Variants in PALM2AKAP2 observed in about 807,000 individuals in gnomAD.
The protein encoded by PALM2AKAP2 is PALM2 and AKAP2 fusion, also known as PALM2-AKAP2 fusion protein.
Under a neutral mutation model 71.5 loss-of-function variants are expected in PALM2AKAP2, and 37 were observed. That is an observed-to-expected ratio of 0.52 (90% CI 0.40 to 0.68). The LOEUF is 0.68. PALM2AKAP2 is among the 30% of genes least tolerant of loss of function. PALM2AKAP2 has a pLI of 0.00. For missense variants in PALM2AKAP2, 1,224 were observed against 1,191.8 expected, an observed-to-expected ratio of 1.03 and a Z score of -0.40; for synonymous variants, 468 against 478.8, an observed-to-expected ratio of 0.98 and a Z score of 0.29.
At chr9:110,157,367 T>C (rs575896166) in intron 3 of PALM2AKAP2, among the ~76,000 whole-genome samples, 10 of 149,768 alleles carry the variant, frequency 6.7e-5, no homozygotes, top group Admixed American at 1.3e-4. Context: ...GGTGTTGTGG[T>C]TATTAATATC....
chr9:109,704,679 C>T (rs534332351), intron 1 of PALM2AKAP2, among the ~76,000 whole-genome samples: 5 of 152,262 alleles, frequency 3.3e-5, no homozygotes, highest in Non-Finnish European at 7.4e-5. Flanking sequence ...ATTTCACATG[C>T]GTGATAATCT....
At chr9:109,840,219 G>A (rs963304768) in intron 1 of PALM2AKAP2, among the ~76,000 whole-genome samples, 7 of 152,094 alleles carry the variant, frequency 4.6e-5, no homozygotes, top group Non-Finnish European at 7.4e-5. Flanking sequence ...CCACACATAT[G>A]CAACCATCTG....
intron 3 of PALM2AKAP2, among the ~76,000 whole-genome samples, chr9:109,919,023 C>CA (rs1184263157): frequency 6.6e-6 from 1 of 152,180 alleles, no homozygotes; most frequent in Non-Finnish European, 1.5e-5. Context: ...ACAGGCCAGC[C>CA]AGTGGGCATC....
intron 1 of PALM2AKAP2, among the ~76,000 whole-genome samples, chr9:110,077,408 A>G (rs1413080855): frequency 6.6e-6 from 1 of 152,218 alleles, no homozygotes; most frequent in Non-Finnish European, 1.5e-5. Context: ...AAAACACTTT[A>G]ACATCTTGTG....
intron 1 of PALM2AKAP2, among the ~76,000 whole-genome samples, chr9:110,074,096 C>T (rs2118625031): frequency 6.6e-6 from 1 of 152,292 alleles, no homozygotes; most frequent in African/African-American, 2.4e-5. Context: ...CTGTGATATT[C>T]CTGCACAAAT....
intron 1 of PALM2AKAP2, among the ~76,000 whole-genome samples, chr9:110,087,425 T>A (rs991705968): frequency 1.3e-5 from 2 of 152,188 alleles, no homozygotes; most frequent in Non-Finnish European, 2.9e-5. Flanking sequence ...ACAGTTGCAA[T>A]CATTTGTTCA....
At chr9:110,019,601 G>T (rs1039210883) in intron 7 of PALM2AKAP2, among the ~76,000 whole-genome samples, 1 of 152,190 alleles carries the variant, frequency 6.6e-6, no homozygotes, top group African/African-American at 2.4e-5. Context: ...ATACACCATG[G>T]AATACTACAT....
chr9:109,996,590 T>A lies in PALM2AKAP2; in HGVS notation c.497-19364T>A, dbSNP rs189641055. Among the ~76,000 whole-genome samples the A allele has an allele frequency of 6.9e-3, 1,050 of 152,370 alleles. 12 individuals carry two copies. The highest frequency in any genetic ancestry group is 0.024 in the African/African-American group (981 of 41,584). On this transcript the variant is annotated intron_variant, in intron 6 of 9. Coordinates refer to the PALM2AKAP2 transcript ENST00000302798. The stretch of plus-strand genomic sequence containing the variant: ...CAATTGGAGTCTGCTTCCTTCTTCA[T>A]ATACAGAAGGATGTTTAAAACGCAC...
At chr9:109,801,148 C>T (rs565618179) in intron 1 of PALM2AKAP2, among the ~76,000 whole-genome samples, 2 of 152,204 alleles carry the variant, frequency 1.3e-5, no homozygotes, top group Non-Finnish European at 2.9e-5. Flanking sequence ...CATTTCAGCT[C>T]AGCAGACAGA....
intron 1 of PALM2AKAP2, among the ~76,000 whole-genome samples, chr9:109,812,377 A>G (rs1827747745): frequency 1.3e-5 from 2 of 151,940 alleles, no homozygotes; most frequent in Admixed American, 1.3e-4. Context: ...GCCCAGATGA[A>G]AGGGAAGAAC....
Position 109,993,584 on chromosome 9 carries a change from G to C in PALM2AKAP2, c.497-22370G>C, listed in dbSNP as rs527588311. Reference sequence around the variant, plus strand: ...ATAGAAGAGGGTAGCAGCCCAAAGGGAAATTGGAGTGCTATTAACATAATA... The same window carrying C: ...ATAGAAGAGGGTAGCAGCCCAAAGGCAAATTGGAGTGCTATTAACATAATA... On this transcript the variant is annotated intron_variant, in intron 6 of 9. Coordinates refer to the PALM2AKAP2 transcript ENST00000302798. 1.6e-4 allele frequency among the ~76,000 whole-genome samples: 25 copies of C among 152,286 alleles called. 1 individual carries two copies. Among genetic ancestry groups the C allele is most frequent in the East Asian group, 1.2e-3 (6 of 5,176 alleles).
chr9:109,805,679 G>A (rs1827552757), intron 1 of PALM2AKAP2, among the ~76,000 whole-genome samples: 1 of 152,178 alleles, frequency 6.6e-6, no homozygotes, highest in Non-Finnish European at 1.5e-5. Flanking sequence ...ATGGGATGGT[G>A]AGCAACCTTT....
chr9:109,696,648 G>A (rs2118564585), intron 1 of PALM2AKAP2, among the ~76,000 whole-genome samples: 1 of 152,246 alleles, frequency 6.6e-6, no homozygotes, highest in South Asian at 2.1e-4. Flanking sequence ...AGCATTGCCT[G>A]TCCTTACAAA....
chr9:109,874,239 C>T (rs896475030), intron 2 of PALM2AKAP2, among the ~76,000 whole-genome samples: 2 of 152,106 alleles, frequency 1.3e-5, no homozygotes, highest in African/African-American at 4.8e-5. Context: ...CAATATGGAA[C>T]CCACCATTAG....
At chr9:109,750,571 C>CGTGTGTGTGTGTGTGTGTGTGTGTGT (rs111708702) in intron 1 of PALM2AKAP2, among the ~76,000 whole-genome samples, 9 of 147,182 alleles carry the variant, frequency 6.1e-5, no homozygotes, top group African/African-American at 1.0e-4. Context: ...TGCCCTAGGA[C>CGTGTGTGTGTGTGTGTGTGTGTGTGT]GTGTGTGTGT....
intron 6 of PALM2AKAP2, among the ~76,000 whole-genome samples, chr9:109,998,158 C>A (rs982801433): frequency 6.6e-6 from 1 of 152,186 alleles, no homozygotes; most frequent in Non-Finnish European, 1.5e-5. Context: ...CCCCAGTGGG[C>A]CAATCTTTTG....
upstream of PALM2AKAP2, among the ~76,000 whole-genome samples, chr9:109,778,873 A>G (rs556349654): frequency 3.5e-4 from 53 of 150,478 alleles, 1 homozygote; most frequent in East Asian, 7.3e-3. Flanking sequence ...GGTTCCAGTG[A>G]TTCTCCTGCC....
At chr9:109,954,051 A>G (rs2132089919) in intron 6 of PALM2AKAP2, among the ~76,000 whole-genome samples, 1 of 152,276 alleles carries the variant, frequency 6.6e-6, no homozygotes, top group East Asian at 1.9e-4. Context: ...CCAAAGGAGA[A>G]GCGGAGGGTA....
intron 1 of PALM2AKAP2, among the ~76,000 whole-genome samples, chr9:109,796,793 C>G (rs1487667253): frequency 6.6e-6 from 1 of 152,114 alleles, no homozygotes; most frequent in Non-Finnish European, 1.5e-5. Flanking sequence ...AGAAACTGCC[C>G]CCATGATCCA....
Sources: allele counts gnomAD v4.1 joint callset (sites outside exome capture counted in the v4.1 genomes callset), GRCh38; gene constraint gnomAD v4.1.1; transcripts MANE v1.5; gene names NCBI Gene and HGNC (gene_info 2026-07-23, HGNC 2026-07-21).